Variants in ROBO2 observed in about 807,000 individuals in gnomAD.
ROBO2 encodes roundabout homolog 2.
ROBO2 carries 53 observed loss-of-function variants against 160.8 expected under a neutral mutation model. The observed-to-expected ratio is 0.33, with a 90% CI of 0.26 to 0.41. The LOEUF (loss-of-function observed/expected upper bound fraction) is 0.41. ROBO2 is among the 10% of genes least tolerant of loss of function. The pLI, the probability that ROBO2 is intolerant of heterozygous loss-of-function variation, is 1.00. For missense variants in ROBO2, 1,577 were observed against 1,722.4 expected (o/e 0.92, Z 1.49); for synonymous variants, 664 against 611.7 (o/e 1.09, Z -1.26).
chr3:76,589,778 A>G (rs2086296220), intron 2 of ROBO2, among the ~76,000 whole-genome samples: 1 of 152,192 alleles, frequency 6.6e-6, no homozygotes, highest in Admixed American at 6.5e-5. Context: ...GTTAGATCCA[A>G]AAGCCAACCA....
chr3:76,218,451 C>G (rs1326809568), intron 2 of ROBO2, among the ~76,000 whole-genome samples: 2 of 152,178 alleles, frequency 1.3e-5, no homozygotes, highest in African/African-American at 4.8e-5. Context: ...AGCTGATAAG[C>G]AACTTCAGCA....
chr3:77,105,921 C>G (rs2072733000), intron 2 of ROBO2, among the ~76,000 whole-genome samples: 1 of 152,146 alleles, frequency 6.6e-6, no homozygotes, highest in Admixed American at 6.5e-5. Flanking sequence ...CATAGTGATA[C>G]TAAGAGTTCA....
At chr3:75,988,736 T>C (rs139804368) in intron 2 of ROBO2, among the ~76,000 whole-genome samples, 1 of 152,028 alleles carries the variant, frequency 6.6e-6, no homozygotes, top group Non-Finnish European at 1.5e-5. Flanking sequence ...TCTGTAATGA[T>C]CCATTAGTTG....
chr3:76,331,858 A>G (rs1223841656), intron 2 of ROBO2, among the ~76,000 whole-genome samples: 1 of 151,724 alleles, frequency 6.6e-6, no homozygotes, highest in Non-Finnish European at 1.5e-5. Context: ...TAGTTTTTGT[A>G]TTTTTAGTAG....
chr3:75,944,622 C>T (rs1948200603), intron 2 of ROBO2, among the ~76,000 whole-genome samples: 1 of 152,090 alleles, frequency 6.6e-6, no homozygotes, highest in Non-Finnish European at 1.5e-5. Flanking sequence ...TTCCTTAAAT[C>T]ATCATATCTT....
chr3:76,438,460 T>C (rs2076782079), intron 2 of ROBO2, among the ~76,000 whole-genome samples: 1 of 151,396 alleles, frequency 6.6e-6, no homozygotes, highest in Non-Finnish European at 1.5e-5. Flanking sequence ...TATATGATGG[T>C]AGCACGTATT....
intron 2 of ROBO2, among the ~76,000 whole-genome samples, chr3:76,205,389 C>T (rs1184665351): frequency 2.6e-5 from 4 of 152,028 alleles, no homozygotes; most frequent in Non-Finnish European, 5.9e-5. Context: ...AGTCAGTGGG[C>T]AAGTGGAGCA....
intron 2 of ROBO2, among the ~76,000 whole-genome samples, chr3:77,259,303 G>A (rs2058629681): frequency 6.6e-6 from 1 of 152,154 alleles, no homozygotes; most frequent in South Asian, 2.1e-4. Flanking sequence ...AAGAATTAGC[G>A]TTCATAGAAT....
intron 2 of ROBO2, among the ~76,000 whole-genome samples, chr3:77,292,937 C>T (rs904145797): frequency 2.7e-4 from 38 of 142,686 alleles, no homozygotes; most frequent in Admixed American, 1.0e-3. Flanking sequence ...GTAAAATTGA[C>T]GATTAAACGG....
intron 2 of ROBO2, among the ~76,000 whole-genome samples, chr3:77,448,673 G>A (rs62251061): frequency 8.8e-4 from 20 of 22,702 alleles, no homozygotes; most frequent in Non-Finnish European, 1.5e-3. Context: ...TTATTGAATC[G>A]AAATGAAGTA....
chr3:76,206,727 A>G (rs998204286), intron 2 of ROBO2, among the ~76,000 whole-genome samples: 2 of 152,182 alleles, frequency 1.3e-5, no homozygotes, highest in African/African-American at 4.8e-5. Context: ...CTTGGAAGAT[A>G]TGCTTCATCT....
chr3:76,407,205 T>A (rs1170482487), intron 2 of ROBO2, among the ~76,000 whole-genome samples: 2 of 151,928 alleles, frequency 1.3e-5, no homozygotes, highest in Admixed American at 1.3e-4. Flanking sequence ...TCATTTTACA[T>A]TTTACGTAGA....
At chr3:76,244,697 T>TCCTGG (rs1326207232) in intron 2 of ROBO2, among the ~76,000 whole-genome samples, 1 of 152,184 alleles carries the variant, frequency 6.6e-6, no homozygotes, top group Non-Finnish European at 1.5e-5. Flanking sequence ...CCTGGAAATC[T>TCCTGG]AGACCTCGCA....
exon 2 of ROBO2, chr3:77,098,232 C>A (rs759447040): frequency 2.5e-6 from 4 of 1,614,150 alleles, no homozygotes; most frequent in Non-Finnish European, 3.4e-6. Flanking sequence ...ATTCTTCTTG[C>A]GCATCGTGCA....
rs183162707 is a variant in ROBO2 at position 76,416,853 on chromosome 3, G to A, written c.109+479251G>A. 5.9e-5 allele frequency among the ~76,000 whole-genome samples: 9 copies of A among 152,242 alleles called. No individual in the cohort carries two copies. In the East Asian group the frequency reaches 1.5e-3, roughly 26 times the overall value. On this transcript the variant is annotated intron_variant, in intron 2 of 26. Coordinates refer to the ROBO2 transcript ENST00000487694. ...TCTTCTTCGTGATAATGTAGAGTTCGAGTTATCAGTTTCTACAGAGTTTTA... is the reference window on the plus strand; with the variant it reads ...TCTTCTTCGTGATAATGTAGAGTTCAAGTTATCAGTTTCTACAGAGTTTTA...
At chr3:76,480,122 T>G (rs778798561) in intron 2 of ROBO2, among the ~76,000 whole-genome samples, 1 of 152,160 alleles carries the variant, frequency 6.6e-6, no homozygotes, top group Non-Finnish European at 1.5e-5. Flanking sequence ...CCATAAGTTA[T>G]TTATTCCTAC....
chr3:77,459,273 A>G lies in ROBO2; in HGVS notation c.389-18141A>G, dbSNP rs545152665. Among the ~76,000 whole-genome samples, 3 of 152,356 alleles carry G rather than the reference A, an allele frequency of 2.0e-5. 1 individual carries two copies. The highest frequency in any genetic ancestry group is 2.0e-4 in the Admixed American group (3 of 15,302). Reference sequence around the variant, plus strand: ...GCATATTACATTCCTTACTAAAGCAAGAGATAAGCAACTACCCATATATTG... The same window carrying G: ...GCATATTACATTCCTTACTAAAGCAGGAGATAAGCAACTACCCATATATTG... On this transcript the variant is annotated intron_variant, in intron 2 of 25. Transcript: ENST00000461745.
chr3:75,926,212 G>C (rs1947286626), intron 1 of ROBO2, among the ~76,000 whole-genome samples: 1 of 152,120 alleles, frequency 6.6e-6, no homozygotes, highest in Admixed American at 6.6e-5. Flanking sequence ...CCTTGGGAAG[G>C]CTCTGGTTGA....
At chr3:76,758,287 G>T (rs1289979102) in intron 2 of ROBO2, among the ~76,000 whole-genome samples, 1 of 151,632 alleles carries the variant, frequency 6.6e-6, no homozygotes, top group East Asian at 2.0e-4. Flanking sequence ...GTTGAACAAA[G>T]ACTATTGGGA....
Sources: allele counts gnomAD v4.1 joint callset (sites outside exome capture counted in the v4.1 genomes callset), GRCh38; gene constraint gnomAD v4.1.1; transcripts MANE v1.5; gene names NCBI Gene and HGNC (gene_info 2026-07-23, HGNC 2026-07-21).